GALNT2: variants seen among roughly 807,000 people sequenced by gnomAD.
GALNT2 encodes polypeptide N-acetylgalactosaminyltransferase 2, also known as UDP-GalNAc:polypeptide N-acetylgalactosaminyltransferase 2.
A neutral mutation model predicts 81.4 loss-of-function variants in GALNT2; 31 were observed. The ratio of observed to expected loss-of-function variants is 0.38; its 90% CI spans 0.29 to 0.51. GALNT2 has a LOEUF of 0.51. GALNT2 is among the 20% of genes least tolerant of loss of function. GALNT2 has a pLI of 0.87. For synonymous variants in GALNT2, 303 were observed against 287.4 expected, an observed-to-expected ratio of 1.05 and a Z score of -0.55; for missense variants, 629 against 765.7, an observed-to-expected ratio of 0.82 and a Z score of 2.11.
intron 1 of GALNT2, among the ~76,000 whole-genome samples, chr1:230,135,835 A>G (rs551552908): frequency 2.7e-5 from 4 of 150,242 alleles, no homozygotes; most frequent in Admixed American, 1.3e-4. Flanking sequence ...ACAGGTGTGC[A>G]CCACCACGCC....
chr1:230,114,387 T>C (rs1463837337), intron 1 of GALNT2, among the ~76,000 whole-genome samples: 2 of 152,238 alleles, frequency 1.3e-5, no homozygotes, highest in Admixed American at 1.3e-4. Context: ...CCTTTGTCAC[T>C]TGGGAATTTC....
At chr1:230,080,623 T>G (rs1659698054) in intron 1 of GALNT2, among the ~76,000 whole-genome samples, 1 of 152,076 alleles carries the variant, frequency 6.6e-6, no homozygotes, top group Admixed American at 6.6e-5. Context: ...GACAGCTAGC[T>G]CTGGGTGTCT....
At position 230,153,639 on chromosome 1, in the gene GALNT2, A is replaced by G. The variant is rs940545674; in HGVS notation, c.127-24579A>G. 1.1e-4 allele frequency among the ~76,000 whole-genome samples: 16 copies of G among 152,214 alleles called. 1 individual carries two copies. Among genetic ancestry groups the G allele is most frequent in the Non-Finnish European group, 2.1e-4 (14 of 68,038 alleles). ...TCATCAGGCCCCTAAGTACCCTTCC[A>G]GCCCCACGCCCCTGAGTTCTTTTCA... is the stretch of plus-strand genomic sequence containing the variant. On this transcript the variant is annotated intron_variant, in intron 1 of 15. Coordinates refer to ENST00000366672, the MANE Select transcript of GALNT2 (RefSeq NM_004481.5).
At chr1:230,232,914 C>A (rs113285563) in intron 3 of GALNT2, among the ~76,000 whole-genome samples, 4 of 152,224 alleles carry the variant, frequency 2.6e-5, no homozygotes, top group African/African-American at 4.8e-5. Context: ...AGTTTCCCCC[C>A]AAAAACTAGT....
chr1:230,096,582 G>A (rs1448058097), intron 1 of GALNT2, among the ~76,000 whole-genome samples: 1 of 150,986 alleles, frequency 6.6e-6, no homozygotes, highest in Non-Finnish European at 1.5e-5. Flanking sequence ...GTTTTTTTTT[G>A]TTGTTAATCC....
intron 1 of GALNT2, among the ~76,000 whole-genome samples, chr1:230,115,780 T>C (rs1018043930): frequency 2.0e-5 from 3 of 152,202 alleles, no homozygotes; most frequent in African/African-American, 7.2e-5. Flanking sequence ...AGAATAGGAG[T>C]CAGTTCCCTC....
chr1:230,180,615 T>C (rs1033594686), intron 2 of GALNT2, among the ~76,000 whole-genome samples: 2 of 152,204 alleles, frequency 1.3e-5, no homozygotes, highest in East Asian at 3.8e-4. Flanking sequence ...TATAAATTTG[T>C]AAATTTTAGA....
At chr1:230,267,728 C>T (rs1302352547) in intron 14 of GALNT2, among the ~76,000 whole-genome samples, 1 of 152,158 alleles carries the variant, frequency 6.6e-6, no homozygotes, top group Non-Finnish European at 1.5e-5. Context: ...GAAGACGAAG[C>T]GGGTGAAAGG....
rs191560247 is a variant in GALNT2 at position 230,080,516 on chromosome 1, C to A, written c.126+13110C>A. 1.2e-3 allele frequency among the ~76,000 whole-genome samples: 181 copies of A among 152,260 alleles called. 1 individual carries two copies. The highest frequency in any genetic ancestry group is 3.9e-3 in the African/African-American group (164 of 41,550). ...AGGTTGCCAGGGTGACTCTGTAAAT[C>A]CATACTGGGGGCTTTGGAAACAGTT... On this transcript the variant is annotated intron_variant, in intron 1 of 15. Transcript: ENST00000366672.
intron 1 of GALNT2, among the ~76,000 whole-genome samples, chr1:230,145,430 C>T (rs1661885513): frequency 6.6e-6 from 1 of 152,192 alleles, no homozygotes; most frequent in South Asian, 2.1e-4. Flanking sequence ...CCAAAGGAAC[C>T]CTTTTAGGTG....
At chr1:230,228,647 G>C (rs1325468175) in intron 3 of GALNT2, among the ~76,000 whole-genome samples, 1 of 151,990 alleles carries the variant, frequency 6.6e-6, no homozygotes, top group Admixed American at 6.6e-5. Flanking sequence ...CTGGTCATCT[G>C]TGTGTGTAAC....
intron 1 of GALNT2, among the ~76,000 whole-genome samples, chr1:230,118,572 C>T (rs1660918835): frequency 6.6e-6 from 1 of 152,236 alleles, no homozygotes; most frequent in Non-Finnish European, 1.5e-5. Flanking sequence ...ACCAGAGTCC[C>T]TGTAGGGCCA....
At chr1:230,117,499 A>C (rs1426141160) in intron 1 of GALNT2, among the ~76,000 whole-genome samples, 1 of 152,152 alleles carries the variant, frequency 6.6e-6, no homozygotes, top group African/African-American at 2.4e-5. Flanking sequence ...TTTCACTTGA[A>C]CACTCAGAGG....
intron 1 of GALNT2, among the ~76,000 whole-genome samples, chr1:230,145,357 C>A (rs987150224): frequency 2.0e-5 from 3 of 152,202 alleles, no homozygotes; most frequent in African/African-American, 7.2e-5. Context: ...CTCTGGCAGT[C>A]GGGCCTGGGC....
intron 1 of GALNT2, among the ~76,000 whole-genome samples, chr1:230,075,948 TC>T (rs1659541375): frequency 6.6e-6 from 1 of 152,174 alleles, no homozygotes; most frequent in South Asian, 2.1e-4. Flanking sequence ...CGGTGATCTC[TC>T]TACTCCTTGG....
intron 1 of GALNT2, among the ~76,000 whole-genome samples, chr1:230,088,719 A>T (rs1659970530): frequency 6.6e-6 from 1 of 151,954 alleles, no homozygotes; most frequent in Non-Finnish European, 1.5e-5. Context: ...TCATAGTTTT[A>T]GTACAGACGG....
chr1:230,209,930 G>A (rs779021724), intron 3 of GALNT2, among the ~76,000 whole-genome samples: 12 of 152,206 alleles, frequency 7.9e-5, no homozygotes, highest in Non-Finnish European at 1.5e-4. Flanking sequence ...AGGCCAGTGG[G>A]AGGACCGGCC....
chr1:230,280,210 G>T lies in GALNT2; in HGVS notation c.*752G>T. Reference sequence around the variant, plus strand: ...CAGTTTCTCACAGAGGGAGGAGGTGGCCTTTGTCCCCTGGAGCCCGATCAG... The same window carrying T: ...CAGTTTCTCACAGAGGGAGGAGGTGTCCTTTGTCCCCTGGAGCCCGATCAG... On this transcript the variant is annotated 3_prime_UTR_variant, in exon 16 of 16. Coordinates refer to ENST00000366672, the MANE Select transcript of GALNT2 (RefSeq NM_004481.5). 2.8e-6 allele frequency: 1 copy of T among 352,302 alleles called. No individual in the cohort carries two copies. Among genetic ancestry groups the T allele is most frequent in the Non-Finnish European group, 5.6e-6 (1 of 178,964 alleles). The allele number at this position is 352,302 out of a possible 1,614,324, so 21.8% of individuals were successfully genotyped here. A position where few individuals can be genotyped will look rare whatever the true frequency, so the allele number is the denominator to read the frequency against.
At position 230,094,038 on chromosome 1, in the gene GALNT2, G is replaced by T. The variant is rs190174474; in HGVS notation, c.126+26632G>T. Among the ~76,000 whole-genome samples the T allele has an allele frequency of 5.2e-3, 787 of 152,086 alleles. 2 individuals carry two copies. Among genetic ancestry groups the T allele is most frequent in the Non-Finnish European group, 7.9e-3 (539 of 68,010 alleles). On this transcript the variant is annotated intron_variant, in intron 1 of 15. Transcript: ENST00000366672. ...TGTGTTTGAGATAGGGTCTCGCTCT[G>T]TTGCCCAGGCTGGAATGCAGTGGCA...
Sources: gnomAD v4.1 joint callset for allele counts (sites outside exome capture counted in the v4.1 genomes callset) on GRCh38, gnomAD v4.1.1 for gene constraint, MANE v1.5 for transcripts, NCBI Gene and HGNC (gene_info 2026-07-23, HGNC 2026-07-21) for gene names.